The following SAFB2 variants were observed in gnomAD, a reference collection of about 807,000 sequenced individuals.
SAFB2 encodes scaffold attachment factor B2.
A neutral mutation model predicts 100.6 loss-of-function variants in SAFB2; 32 were observed. The observed-to-expected ratio is 0.32, with a 90% CI of 0.24 to 0.43. The LOEUF (loss-of-function observed/expected upper bound fraction) is 0.43. Ranked by LOEUF, SAFB2 falls within the 20% of genes least tolerant of loss-of-function variation. The probability of loss-of-function intolerance (pLI) is 1.00; values close to 1 mark genes in which losing one functional copy is unlikely to be tolerated. For synonymous variants in SAFB2, 500 were observed against 439.4 expected, an observed-to-expected ratio of 1.14 and a Z score of -1.72; for missense variants, 1,185 against 1,163.4, an observed-to-expected ratio of 1.02 and a Z score of -0.27.
intron 12 of SAFB2, among the ~76,000 whole-genome samples, chr19:5,599,379 A>G (rs2052606212): frequency 6.6e-6 from 1 of 152,232 alleles, no homozygotes; most frequent in Admixed American, 6.5e-5. Flanking sequence ...CTGACGACAG[A>G]ACCACCAGGC....
chr19:5,593,911 C>T lies in SAFB2; in HGVS notation c.2187G>A (p.Arg729=). The T allele has an allele frequency of 6.6e-7, 1 of 1,520,198 alleles. No homozygotes were observed. The allele number at this position is 1,520,198 out of a possible 1,614,324, so 94.2% of individuals were successfully genotyped here. ...LRYEQERRPG[R]RPYDLDRRDD... ...CTCACCGGTCCAGGTCGTAGGGCCT[C>T]CGCCCGGGCCGCCGCTCCTGCTCGT... The change falls in exon 15 of 21, where the codon CGG becomes CGA. Residue 729 remains arginine (R), a synonymous_variant. Coordinates refer to ENST00000252542, the MANE Select transcript of SAFB2 (RefSeq NM_014649.3).
In SAFB2 at chr19:5,587,823, AT is replaced by A; in HGVS notation, c.2638+44del. The stretch of plus-strand genomic sequence containing the variant: ...CGTTCCTGGGGAAGCCCCTGGACAC[AT>A]GTGGGGGCCACAGCCACCCTCGTCC... On this transcript the variant is annotated intron_variant, in intron 19 of 20. Transcript: ENST00000252542. This position sits in a 1 kb window ranked among gnomAD's most constrained non-coding sequence, Gnocchi z 4.9. The A allele has an allele frequency of 6.3e-7, 1 of 1,576,292 alleles. No individual in the cohort carries two copies. The highest frequency in any genetic ancestry group is 1.4e-5 in the African/African-American group (1 of 74,058).
rs768836967 is a variant in SAFB2 at position 5,587,359 on chromosome 19, C to A, written c.2746G>T (p.Val916Leu). The change falls in exon 21 of 21, where the codon GTG (valine) becomes TTG (leucine). Residue 916 changes from valine to leucine, a missense_variant. By Grantham distance (32) the Val-to-Leu change is conservative (BLOSUM62 1). Coordinates refer to ENST00000252542, the MANE Select transcript of SAFB2 (RefSeq NM_014649.3). The surrounding 1 kb of genome is among the most constrained non-coding windows in gnomAD (Gnocchi z 4.9). Reference sequence around the variant, plus strand: ...CCTTCCAGTCCGCCACCTGGCACCACGTGGCCCTGGGAATGTCCACCTTGT... The same window carrying A: ...CCTTCCAGTCCGCCACCTGGCACCAAGTGGCCCTGGGAATGTCCACCTTGT... ...FAQGGHSQGH[V>L]VPGGGLEGGG... 6 of 1,613,134 alleles carry A rather than the reference C, an allele frequency of 3.7e-6. No individual in the cohort carries two copies. The highest frequency in any genetic ancestry group is 1.3e-5 in the African/African-American group (1 of 75,046).
chr19:5,587,616 C>CA lies in SAFB2; in HGVS notation c.2705+84dup. ...TGCTTTGTTTTCATAACATCCAACCCAGCCAGCTGATCAAACATGCAAAAA... is the reference window on the plus strand; with the variant it reads ...TGCTTTGTTTTCATAACATCCAACCCAAGCCAGCTGATCAAACATGCAAAAA... On this transcript the variant is annotated intron_variant, in intron 20 of 20. Transcript: ENST00000252542. The surrounding 1 kb of genome is among the most constrained non-coding windows in gnomAD (Gnocchi z 4.9). 6.8e-7 allele frequency: 1 copy of CA among 1,473,394 alleles called. No individual in the cohort carries two copies. Among genetic ancestry groups the CA allele is most frequent in the South Asian group, 1.3e-5 (1 of 74,480 alleles). The allele number at this position is 1,473,394 out of a possible 1,614,324, so 91.3% of individuals were successfully genotyped here. A position where few individuals can be genotyped will look rare whatever the true frequency, so the allele number is the denominator to read the frequency against.
In SAFB2 at chr19:5,616,643, CTTTTTTTTTTT is replaced by C. The variant is rs60033130; in HGVS notation, c.275-168_275-158del. On this transcript the variant is annotated intron_variant, in intron 2 of 20. Transcript: ENST00000252542. ...ACGTAATTTTGTCTCAATTTGTTTTCTTTTTTTTTTTTTTTTTTTTTTTTTTGAGATGGAGT... is the reference window on the plus strand; with the variant it reads ...ACGTAATTTTGTCTCAATTTGTTTTCTTTTTTTTTTTTTTTGAGATGGAGT... 4.7e-4 allele frequency among the ~76,000 whole-genome samples: 34 copies of C among 72,808 alleles called. No homozygotes were observed. The East Asian group carries it at 0.01, about 22-fold the overall frequency. 47.8% of individuals were successfully genotyped at this position (72,808 alleles called of 152,430 possible).
At chr19:5,606,394 G>C (rs1599258284) in intron 9 of SAFB2, among the ~76,000 whole-genome samples, 1 of 152,224 alleles carries the variant, frequency 6.6e-6, no homozygotes, top group East Asian at 1.9e-4. Context: ...GTGAGGCCAA[G>C]GCAGGTAGAT....
intron 11 of SAFB2, among the ~76,000 whole-genome samples, chr19:5,603,345 C>G (rs1332248343): frequency 1.3e-5 from 2 of 152,142 alleles, no homozygotes; most frequent in Non-Finnish European, 2.9e-5. Context: ...ATTACATCTT[C>G]AAAAACCCAG....
rs762972096 is a variant in SAFB2 at position 5,622,680 on chromosome 19, G to A, written c.36C>T (p.Gly12=). ...AETLPGSGDS[G]PGTASLGPGV... is the part of the protein sequence containing the mutation. ...CCGGGCCGAGAGAAGCCGTGCCAGGGCCCGAGTCGCCCGACCCGGGCAGAG... is the reference window on the plus strand; with the variant it reads ...CCGGGCCGAGAGAAGCCGTGCCAGGACCCGAGTCGCCCGACCCGGGCAGAG... The change falls in exon 1 of 21, where the codon GGC becomes GGT. Residue 12 remains glycine, a synonymous_variant. Coordinates refer to ENST00000252542, the MANE Select transcript of SAFB2 (RefSeq NM_014649.3). 5.0e-5 allele frequency: 80 copies of A among 1,605,084 alleles called. 1 individual carries two copies. The South Asian group carries it at 8.3e-4, about 17-fold the overall frequency.
rs994648607 is a variant in SAFB2, at chr19:5,587,180, G to A, written c.*63C>T. On this transcript the variant is annotated 3_prime_UTR_variant, in exon 21 of 21. Coordinates refer to ENST00000252542, the MANE Select transcript of SAFB2 (RefSeq NM_014649.3). The surrounding 1 kb of genome is among the most constrained non-coding windows in gnomAD (Gnocchi z 4.9). ...TTTAAAAAGATCCCCCAAGTTCGAG[G>A]GAACCCTGGCTACCAGATTCAACAG... is the stretch of plus-strand genomic sequence containing the variant. 1.9e-6 allele frequency: 3 copies of A among 1,584,626 alleles called. No individual in the cohort carries two copies. The African/African-American group carries it at 4.0e-5, about 21-fold the overall frequency.
In SAFB2 at chr19:5,590,329, T is replaced by C. The variant is rs770354520; in HGVS notation, c.2474A>G (p.Tyr825Cys). 9.9e-6 allele frequency: 16 copies of C among 1,609,352 alleles called. No individual in the cohort carries two copies. The highest frequency in any genetic ancestry group is 8.5e-7 in the Non-Finnish European group (1 of 1,178,596). The change falls in exon 18 of 21, where the codon TAC (tyrosine) becomes TGC (cysteine). Residue 825 changes from tyrosine to cysteine, a missense_variant. Physicochemically the swap from Tyr to Cys is radical, Grantham distance 194. This residue lies in a region of SAFB2 where 740 missense variants were observed against 687.1 expected (regional missense o/e 1.08). Transcript: ENST00000252542. ...GRDSRDGWGG[Y>C]GSDKRLSEGR... ...TTCACTCAGCCTCTTGTCGGAGCCG[T>C]AGCCCCCCCAGCCATCACGGGAGTC...
chr19:5,607,477 T>C (rs1677731477), intron 9 of SAFB2, among the ~76,000 whole-genome samples: 1 of 152,146 alleles, frequency 6.6e-6, no homozygotes, highest in Admixed American at 6.5e-5. Context: ...GAGCACCCCT[T>C]GCAGACAGAC....
chr19:5,612,451 G>A (rs2052928382), intron 6 of SAFB2, 89 bp downstream of exon 6: 3 of 1,235,074 alleles, frequency 2.4e-6, no homozygotes, highest in Admixed American at 3.4e-5. Flanking sequence ...CAATTTACAA[G>A]ATCATAACAC....
At chr19:5,592,972 A>G in intron 15 of SAFB2, 85 bp from the exon 16 acceptor site, 2 of 1,284,344 alleles carry the variant, frequency 1.6e-6, no homozygotes, top group South Asian at 1.3e-5. Flanking sequence ...TGGGGAGGGG[A>G]GCTCTCTCCC....
At chr19:5,600,065 G>A (rs375048276) in intron 12 of SAFB2, 65 bp downstream of exon 12, 161 of 1,541,346 alleles carry the variant, frequency 1.0e-4, no homozygotes, top group Admixed American at 2.5e-4. Flanking sequence ...ACCTTCCCTC[G>A]GAACCCCCAC....
At chr19:5,617,843 CA>C (rs1372257419) in intron 2 of SAFB2, among the ~76,000 whole-genome samples, 2 of 152,102 alleles carry the variant, frequency 1.3e-5, no homozygotes, top group Non-Finnish European at 2.9e-5. Context: ...TTTAATGAAA[CA>C]GAAAAAATGC....
chr19:5,620,692 T>C (rs1459873018), intron 2 of SAFB2, among the ~76,000 whole-genome samples: 3 of 152,180 alleles, frequency 2.0e-5, no homozygotes, highest in Non-Finnish European at 4.4e-5. Context: ...GCGACTAACT[T>C]CTAATGAGGA....
Position 5,590,424 on chromosome 19 carries a change from G to A in SAFB2, c.2395-16C>T. ...CTCCATAGTGCTGGAAGGCAGGAGA[G>A]GAACAGGGTGACACTGACCATGTCA... On this transcript the variant is annotated splice_polypyrimidine_tract_variant and intron_variant, in intron 17 of 20. Coordinates refer to ENST00000252542, the MANE Select transcript of SAFB2 (RefSeq NM_014649.3). The A allele has an allele frequency of 3.1e-6, 5 of 1,599,308 alleles. No homozygotes were observed. Among genetic ancestry groups the A allele is most frequent in the Non-Finnish European group, 4.3e-6 (5 of 1,171,992 alleles).
rs571615078 is a variant in SAFB2, at chr19:5,607,466, A to G, written c.1296+2529T>C. ...GTTCTTGCACTACGCTGAAACCAAC[A>G]GAGCACCCCTTGCAGACAGACTGTA... On this transcript the variant is annotated intron_variant, in intron 9 of 20. Transcript: ENST00000252542. 7.9e-5 allele frequency among the ~76,000 whole-genome samples: 12 copies of G among 152,356 alleles called. No homozygotes were observed. In the East Asian group the frequency reaches 2.3e-3, roughly 29 times the overall value.
intron 17 of SAFB2, among the ~76,000 whole-genome samples, chr19:5,591,071 C>A (rs1482662799): frequency 2.0e-5 from 3 of 152,154 alleles, no homozygotes; most frequent in Non-Finnish European, 4.4e-5. Context: ...CCCCATCCCC[C>A]CGACCCTGGC....
Sources: gnomAD v4.1 joint callset for allele counts (sites outside exome capture counted in the v4.1 genomes callset) on GRCh38, gnomAD v4.1.1 for gene constraint, gnomAD v4.1.1 regional missense constraint, Gnocchi (gnomAD v3.1) non-coding constraint, MANE v1.5 for transcripts, NCBI Gene and HGNC (gene_info 2026-07-23, HGNC 2026-07-21) for gene names.